Variants in ATAD3A observed in about 807,000 individuals in gnomAD.
The protein encoded by ATAD3A is ATPase family AAA domain containing 3A, also known as ATPase family AAA domain-containing protein 3A.
ATAD3A carries 46 observed loss-of-function variants against 73.8 expected under a neutral mutation model. The observed-to-expected ratio is 0.62, with a 90% CI of 0.49 to 0.80. ATAD3A has a LOEUF of 0.80. Among genes scored for constraint, ATAD3A ranks in the 30% least tolerant of loss-of-function variants. ATAD3A has a pLI of 0.00. For missense variants in ATAD3A, 705 were observed against 838.0 expected, an observed-to-expected ratio of 0.84 and a Z score of 1.96; for synonymous variants, 319 against 350.0, an observed-to-expected ratio of 0.91 and a Z score of 0.99.
Position 1,513,156 on chromosome 1 carries a change from G to T in ATAD3A, c.205+683G>T, listed in dbSNP as rs142533901. ...TGAGCCGCTGCTCATGGCCTTCCTC[G>T]GTAATTTTAACCATCAGGTTAGGAT... On this transcript the variant is annotated intron_variant, in intron 1 of 15. Transcript: ENST00000378756. Among the ~76,000 whole-genome samples, 1,259 of 152,306 alleles carry T rather than the reference G, an allele frequency of 8.3e-3. 6 individuals are homozygous for T. Among genetic ancestry groups the T allele is most frequent in the Non-Finnish European group, 0.013 (852 of 68,012 alleles).
chr1:1,526,019 T>C (rs1199065452), intron 12 of ATAD3A, among the ~76,000 whole-genome samples: 1 of 151,300 alleles, frequency 6.6e-6, no homozygotes, highest in Non-Finnish European at 1.5e-5. Context: ...GGCTTTCTTT[T>C]CTTTTTCTTT....
intron 15 of ATAD3A, among the ~76,000 whole-genome samples, chr1:1,533,398 AG>A (rs1178330574): frequency 6.6e-6 from 1 of 152,224 alleles, no homozygotes; most frequent in Non-Finnish European, 1.5e-5. Flanking sequence ...CCACAGCCCC[AG>A]CAGCTCCAGC....
At chr1:1,526,139 C>T (rs184873233) in intron 12 of ATAD3A, among the ~76,000 whole-genome samples, 426 of 152,052 alleles carry the variant, frequency 2.8e-3, no homozygotes, top group Non-Finnish European at 5.2e-3. Flanking sequence ...TCTCGTGCCT[C>T]AGCCTCCCAC....
rs551537403 is a variant in ATAD3A at position 1,534,133 on chromosome 1, G to T, written c.*61G>T. 24 of 1,607,804 alleles carry T rather than the reference G, an allele frequency of 1.5e-5. No individual in the cohort carries two copies. The highest frequency in any genetic ancestry group is 2.2e-5 in the South Asian group (2 of 90,820). ...CGCGGACCCCTCCCACCCCTGCCTT[G>T]CCGGCCCCTGCACATTTAGGATATG... On this transcript the variant is annotated 3_prime_UTR_variant, in exon 16 of 16. Transcript: ENST00000378756.
intron 1 of ATAD3A, among the ~76,000 whole-genome samples, chr1:1,515,296 C>CT (rs1466333039): frequency 6.6e-6 from 1 of 152,092 alleles, no homozygotes; most frequent in Non-Finnish European, 1.5e-5. Context: ...AGGCCGGTCT[C>CT]TAACTCCTGG....
chr1:1,516,041 C>A lies in ATAD3A; in HGVS notation c.235C>A (p.Gln79Lys). 1 of 1,614,040 alleles carries A rather than the reference C, an allele frequency of 6.2e-7. No individual in the cohort carries two copies. The highest frequency in any genetic ancestry group is 8.5e-7 in the Non-Finnish European group (1 of 1,179,950). ...TGCCAAGGACGCCCTGAATCTGGCACAGATGCAGGAGCAGACGCTGCAGTT... is the reference window on the plus strand; with the variant it reads ...TGCCAAGGACGCCCTGAATCTGGCAAAGATGCAGGAGCAGACGCTGCAGTT... Reference protein sequence around the residue: ...RYAKDALNLAQMQEQTLQLEQ... With the variant: ...RYAKDALNLAKMQEQTLQLEQ... The change falls in exon 2 of 16, where the codon CAG (glutamine) becomes AAG (lysine). Residue 79 changes from glutamine to lysine, a missense_variant. Coordinates refer to ENST00000378756, the MANE Select transcript of ATAD3A (RefSeq NM_001170535.3).
In ATAD3A at chr1:1,532,441, A is replaced by G. The variant is rs1642062106; in HGVS notation, c.1615-1485A>G. ...TCAACTTTTATAGTTTGAAGATTTT[A>G]GGTTCCCAGAAAAGTTGCAAGAGTA... On this transcript the variant is annotated intron_variant, in intron 15 of 15. Transcript: ENST00000378756. Among the ~76,000 whole-genome samples, 3 of 152,226 alleles carry G rather than the reference A, an allele frequency of 2.0e-5. No homozygotes were observed. In the South Asian group the frequency reaches 6.2e-4, roughly 31 times the overall value.
intron 12 of ATAD3A, 118 bp from the exon 13 acceptor site, chr1:1,526,342 TC>T: frequency 6.4e-7 from 1 of 1,564,212 alleles, no homozygotes; most frequent in Non-Finnish European, 8.7e-7. Flanking sequence ...TGAGAGTAGA[TC>T]CATGAAAGTG....
intron 2 of ATAD3A, among the ~76,000 whole-genome samples, chr1:1,516,683 G>A (rs754842753): frequency 1.7e-4 from 26 of 152,088 alleles, no homozygotes; most frequent in East Asian, 3.9e-4. Flanking sequence ...AAAGTGCTGG[G>A]ATTACAGGCT....
Position 1,521,023 on chromosome 1 carries a change from G to A in ATAD3A, c.750+406G>A, listed in dbSNP as rs61777883. On this transcript the variant is annotated intron_variant, in intron 7 of 15. Coordinates refer to ENST00000378756, the MANE Select transcript of ATAD3A (RefSeq NM_001170535.3). The stretch of plus-strand genomic sequence containing the variant: ...CTCAAGAAAAAAATTGTCGATAGTC[G>A]TGGCTCACACCTGTAATCCCAGCAC... 1.1e-3 allele frequency among the ~76,000 whole-genome samples: 169 copies of A among 152,046 alleles called. 1 individual carries two copies. Among genetic ancestry groups the A allele is most frequent in the Non-Finnish European group, 1.5e-3 (101 of 67,972 alleles).
At chr1:1,527,954 A>G in intron 14 of ATAD3A, 92 bp downstream of exon 14, 1 of 1,158,650 alleles carries the variant, frequency 8.6e-7, no homozygotes, top group Non-Finnish European at 1.1e-6. Flanking sequence ...AACCTTTAAC[A>G]TTCCTTTTTT....
At chr1:1,526,919 C>T (rs2100675832) in intron 13 of ATAD3A, among the ~76,000 whole-genome samples, 1 of 152,208 alleles carries the variant, frequency 6.6e-6, no homozygotes, top group South Asian at 2.1e-4. Flanking sequence ...GACAAGTTTG[C>T]TCCCACGGGA....
intron 5 of ATAD3A, 149 bp downstream of exon 5, chr1:1,519,139 G>A (rs370448805): frequency 1.5e-5 from 23 of 1,516,976 alleles, no homozygotes; most frequent in Middle Eastern, 2.2e-4. Flanking sequence ...GGGTGGGGCT[G>A]CCTCTCGGAA....
At chr1:1,519,915 C>G (rs1641519967) in intron 5 of ATAD3A, among the ~76,000 whole-genome samples, 1 of 152,268 alleles carries the variant, frequency 6.6e-6, no homozygotes, top group South Asian at 2.1e-4. Flanking sequence ...GTGGCCTTAG[C>G]CTATTGGCGG....
intron 1 of ATAD3A, among the ~76,000 whole-genome samples, chr1:1,514,458 G>A (rs1641291755): frequency 6.6e-6 from 1 of 152,212 alleles, no homozygotes; most frequent in African/African-American, 2.4e-5. Flanking sequence ...CGTTGACCTG[G>A]CACTGTCTTC....
In ATAD3A at chr1:1,534,315, T is replaced by C. The variant is rs150555648; in HGVS notation, c.*243T>C. The C allele has an allele frequency of 4.1e-3, 5,794 of 1,419,772 alleles. 199 individuals are homozygous for C. The African/African-American group carries it at 0.074, about 18-fold the overall frequency. 87.9% of individuals were successfully genotyped at this position (1,419,772 alleles called of 1,614,324 possible). On this transcript the variant is annotated 3_prime_UTR_variant, in exon 16 of 16. Coordinates refer to ENST00000378756, the MANE Select transcript of ATAD3A (RefSeq NM_001170535.3). The stretch of plus-strand genomic sequence containing the variant: ...TGCCCCTCGAGACACTCTTGGGAGA[T>C]GCATTTTCCGTCTGGCTCACAGGGG...
chr1:1,515,067 G>T (rs1487126108), intron 1 of ATAD3A, among the ~76,000 whole-genome samples: 1 of 152,056 alleles, frequency 6.6e-6, no homozygotes, highest in Non-Finnish European at 1.5e-5. Context: ...TGGAGACAGG[G>T]TTTCGCCATG....
rs141788544 is a variant in ATAD3A, at chr1:1,534,121, C to T, written c.*49C>T. The T allele has an allele frequency of 9.2e-3, 14,794 of 1,612,590 alleles. 99 individuals carry two copies. Among genetic ancestry groups the T allele is most frequent in the Middle Eastern group, 0.017 (101 of 5,912 alleles). Reference sequence around the variant, plus strand: ...ACGGAGCCTGGCCGCGGACCCCTCCCACCCCTGCCTTGCCGGCCCCTGCAC... The same window carrying T: ...ACGGAGCCTGGCCGCGGACCCCTCCTACCCCTGCCTTGCCGGCCCCTGCAC... On this transcript the variant is annotated 3_prime_UTR_variant, in exon 16 of 16. Coordinates refer to ENST00000378756, the MANE Select transcript of ATAD3A (RefSeq NM_001170535.3).
chr1:1,516,741 A>G (rs1641371196), intron 2 of ATAD3A, among the ~76,000 whole-genome samples: 1 of 151,496 alleles, frequency 6.6e-6, no homozygotes, highest in African/African-American at 2.4e-5. Flanking sequence ...TTTTATAGAC[A>G]GAGTCTTAGT....
Sources: gnomAD v4.1 joint callset for allele counts (sites outside exome capture counted in the v4.1 genomes callset) on GRCh38, gnomAD v4.1.1 for gene constraint, MANE v1.5 for transcripts, NCBI Gene and HGNC (gene_info 2026-07-23, HGNC 2026-07-21) for gene names.